The following PTPRB variants were observed in gnomAD, a reference collection of about 807,000 sequenced individuals.
PTPRB encodes receptor-type tyrosine-protein phosphatase beta.
Under a neutral mutation model 238.1 loss-of-function variants are expected in PTPRB, and 97 were observed. The observed-to-expected ratio is 0.41, with a 90% CI of 0.35 to 0.48. The LOEUF (loss-of-function observed/expected upper bound fraction) is 0.48, where lower values mean the gene tolerates loss of function less well. Among genes scored for constraint, PTPRB ranks in the 20% least tolerant of loss-of-function variants. The probability of loss-of-function intolerance (pLI) is 0.30; values close to 1 mark genes in which losing one functional copy is unlikely to be tolerated. For synonymous variants in PTPRB, 970 were observed against 995.4 expected, an observed-to-expected ratio of 0.97 and a Z score of 0.48; for missense variants, 2,292 against 2,681.9, an observed-to-expected ratio of 0.85 and a Z score of 3.21.
At chr12:70,610,090 C>A (rs1364756923) in intron 3 of PTPRB, among the ~76,000 whole-genome samples, 2 of 152,162 alleles carry the variant, frequency 1.3e-5, no homozygotes, top group African/African-American at 4.8e-5. Flanking sequence ...CTCGCCCCAG[C>A]CCCGTCCGCT....
At chr12:70,572,448 A>C (rs1880174958) in intron 11 of PTPRB, among the ~76,000 whole-genome samples, 1 of 152,142 alleles carries the variant, frequency 6.6e-6, no homozygotes, top group Admixed American at 6.6e-5. Context: ...TAAGAAGAAT[A>C]TAAGCAATCC....
intron 2 of PTPRB, among the ~76,000 whole-genome samples, chr12:70,626,626 A>C (rs1466247219): frequency 6.6e-6 from 1 of 152,194 alleles, no homozygotes; most frequent in Non-Finnish European, 1.5e-5. Context: ...ATCTAGAGAT[A>C]ATTTAAAGTA....
intron 26 of PTPRB, 85 bp from the exon 27 acceptor site, chr12:70,539,099 A>T: frequency 2.0e-6 from 2 of 1,023,818 alleles, no homozygotes; most frequent in Non-Finnish European, 3.0e-6. Context: ...ACATAATAAC[A>T]TGAAAATATA....
intron 16 of PTPRB, among the ~76,000 whole-genome samples, chr12:70,561,562 G>A (rs556806545): frequency 6.6e-6 from 1 of 152,296 alleles, no homozygotes; most frequent in African/African-American, 2.4e-5. Context: ...TGTGCAAAGG[G>A]TGGGTTGCCT....
At chr12:70,568,442 C>T (rs1458292695) in intron 14 of PTPRB, among the ~76,000 whole-genome samples, 2 of 129,572 alleles carry the variant, frequency 1.5e-5, no homozygotes, top group East Asian at 2.1e-4. Flanking sequence ...GGACTACAGG[C>T]GTCTGCCATC....
In PTPRB at chr12:70,555,978, T is replaced by C; in HGVS notation, c.4885A>G (p.Asn1629Asp). ...TTATGGGGCACTAGCATCATGATGT[T>C]GAGCAGAGATTTTTCTTTCTCCAGC... is the stretch of plus-strand genomic sequence containing the variant. ...RKLEKEKSLL[N>D]IMMLVPHKRY... Residue 1629 changes from asparagine to aspartate, a missense_variant, in exon 19 of 34, where the codon AAC becomes GAC. Physicochemically the swap from Asn to Asp is conservative, Grantham distance 23 (BLOSUM62 1). Coordinates refer to ENST00000334414, the MANE Select transcript of PTPRB (RefSeq NM_001109754.4). 6.2e-7 allele frequency: 1 copy of C among 1,613,986 alleles called. No individual in the cohort carries two copies. Among genetic ancestry groups the C allele is most frequent in the Non-Finnish European group, 8.5e-7 (1 of 1,179,880 alleles).
At chr12:70,598,203 G>A (rs2136492084) in intron 4 of PTPRB, among the ~76,000 whole-genome samples, 1 of 150,772 alleles carries the variant, frequency 6.6e-6, no homozygotes, top group Middle Eastern at 3.4e-3. Context: ...TGTGCTTTGG[G>A]CAATTCCTTA....
intron 10 of PTPRB, 147 bp downstream of exon 10, chr12:70,580,889 C>A (rs1881306423): frequency 3.6e-6 from 3 of 822,226 alleles, no homozygotes; most frequent in Non-Finnish European, 5.5e-6. Flanking sequence ...ATTCCATATA[C>A]CTTCTGGATG....
chr12:70,609,714 G>A, intron 3 of PTPRB: 1 of 1,515,948 alleles, frequency 6.6e-7, no homozygotes, highest in Admixed American at 2.0e-5. Flanking sequence ...TTTGGTTTTC[G>A]GCGGGGAGGG....
chr12:70,571,375 C>G, intron 12 of PTPRB, 86 bp from the exon 13 acceptor site: 1 of 1,289,954 alleles, frequency 7.8e-7, no homozygotes, highest in South Asian at 1.5e-5. Flanking sequence ...ATTCAAGGAA[C>G]TGGCAACATC....
intron 33 of PTPRB, 72 bp downstream of exon 33, chr12:70,524,399 G>T: frequency 6.8e-7 from 1 of 1,471,678 alleles, no homozygotes; most frequent in Non-Finnish European, 9.2e-7. Context: ...ACAGGTGTAA[G>T]CCTCTATGCC....
chr12:70,551,679 C>G (rs1876899059), intron 21 of PTPRB, among the ~76,000 whole-genome samples: 1 of 152,136 alleles, frequency 6.6e-6, no homozygotes, highest in Non-Finnish European at 1.5e-5. Flanking sequence ...GGTTAGGTAT[C>G]AGCTCTTCCA....
chr12:70,546,439 C>G (rs976006703), intron 21 of PTPRB, among the ~76,000 whole-genome samples: 8 of 152,158 alleles, frequency 5.3e-5, no homozygotes, highest in African/African-American at 1.7e-4. Flanking sequence ...GTTTCATGCT[C>G]TCTGCATAAG....
chr12:70,634,682 T>C (rs1284983688), intron 2 of PTPRB, among the ~76,000 whole-genome samples: 2 of 152,218 alleles, frequency 1.3e-5, no homozygotes, highest in African/African-American at 4.8e-5. Context: ...TGGGAACCTC[T>C]GGTATAGTAA....
chr12:70,566,314 C>T (rs1879289495), intron 15 of PTPRB, 121 bp downstream of exon 15: 2 of 1,268,338 alleles, frequency 1.6e-6, no homozygotes, highest in South Asian at 1.5e-5. Context: ...GTGAATGTTC[C>T]CAGCGTATCA....
intron 3 of PTPRB, among the ~76,000 whole-genome samples, chr12:70,618,885 G>A (rs117090836): frequency 0.019 from 2,907 of 152,270 alleles, 44 homozygotes; most frequent in Non-Finnish European, 0.03. Context: ...GGCTAGAAGA[G>A]AGAGAGCACC....
Position 70,544,676 on chromosome 12 carries a change from C to G in PTPRB, c.5388-13G>C, listed in dbSNP as rs565666224. On this transcript the variant is annotated splice_polypyrimidine_tract_variant and intron_variant, in intron 21 of 33. Coordinates refer to ENST00000334414, the MANE Select transcript of PTPRB (RefSeq NM_001109754.4). Reference sequence around the variant, plus strand: ...TCGAATGCTGATTCTGAAAAGAAAACCGATTTATTTAAATATAAATTAGTT... The same window carrying G: ...TCGAATGCTGATTCTGAAAAGAAAAGCGATTTATTTAAATATAAATTAGTT... 9.8e-6 allele frequency: 15 copies of G among 1,529,370 alleles called. No individual in the cohort carries two copies. In the African/African-American group the frequency reaches 2.0e-4, roughly 20 times the overall value. The allele number at this position is 1,529,370 out of a possible 1,614,324, so 94.7% of individuals were successfully genotyped here. A position where few individuals can be genotyped will look rare whatever the true frequency, so the allele number is the denominator to read the frequency against.
rs562671360 is a variant in PTPRB at position 70,560,461 on chromosome 12, C to CTA, written c.4432+209_4432+210insTA. Among the ~76,000 whole-genome samples, 38 of 152,288 alleles carry CTA rather than the reference C, an allele frequency of 2.5e-4. No individual in the cohort carries two copies. In the South Asian group the frequency reaches 7.7e-3, roughly 31 times the overall value. On this transcript the variant is annotated intron_variant, in intron 17 of 33. Coordinates refer to ENST00000334414, the MANE Select transcript of PTPRB (RefSeq NM_001109754.4). The surrounding 1 kb of genome is among the most constrained non-coding windows in gnomAD (Gnocchi z 4.2). ...GGCCTAGAGATGCTCAATGACTTGC[C>CTA]CAGATTCATAGAGCTAAGCTAAGGA...
In PTPRB at chr12:70,578,528, T is replaced by G. The variant is rs59381131; in HGVS notation, c.2579-1883A>C. ...TCATATTTGATTCTCTCCTCAAAAC[T>G]TTATGACCATTCTTCAAATAATTTC... On this transcript the variant is annotated intron_variant, in intron 10 of 33. Transcript: ENST00000334414. Among the ~76,000 whole-genome samples, 1,093 of 152,274 alleles carry G rather than the reference T, an allele frequency of 7.2e-3. 15 individuals carry two copies. Among genetic ancestry groups the G allele is most frequent in the African/African-American group, 0.025 (1,033 of 41,572 alleles).
Sources: gnomAD v4.1 joint callset for allele counts (sites outside exome capture counted in the v4.1 genomes callset) on GRCh38, gnomAD v4.1.1 for gene constraint, Gnocchi (gnomAD v3.1) non-coding constraint, MANE v1.5 for transcripts, NCBI Gene and HGNC (gene_info 2026-07-23, HGNC 2026-07-21) for gene names.